The following IMMP2L variants were observed in gnomAD, a reference collection of about 807,000 sequenced individuals.
IMMP2L encodes inner mitochondrial membrane peptidase subunit 2.
In IMMP2L, 18 loss-of-function variants were observed where a neutral mutation model predicts 19.3. That is an observed-to-expected ratio of 0.93 (90% CI 0.64 to 1.38). IMMP2L has a LOEUF of 1.38. IMMP2L is among the 40% of genes most tolerant of loss of function. IMMP2L has a pLI of 0.00. For missense variants in IMMP2L, 233 were observed against 218.2 expected, an observed-to-expected ratio of 1.07 and a Z score of -0.43; for synonymous variants, 76 against 73.0, an observed-to-expected ratio of 1.04 and a Z score of -0.21.
chr7:110,895,182 A>G (rs964867360), intron 4 of IMMP2L, among the ~76,000 whole-genome samples: 1 of 152,130 alleles, frequency 6.6e-6, no homozygotes, highest in Non-Finnish European at 1.5e-5. Flanking sequence ...ACTTTTTAAA[A>G]CCATCAGATC....
At chr7:111,514,537 T>A (rs1320092365) in intron 2 of IMMP2L, among the ~76,000 whole-genome samples, 1 of 152,128 alleles carries the variant, frequency 6.6e-6, no homozygotes, top group Non-Finnish European at 1.5e-5. Flanking sequence ...ATATATATCA[T>A]GTATACTTTA....
At chr7:111,049,411 G>A (rs559705066) in intron 3 of IMMP2L, among the ~76,000 whole-genome samples, 1 of 152,122 alleles carries the variant, frequency 6.6e-6, no homozygotes, top group African/African-American at 2.4e-5. Context: ...GATTACAGGC[G>A]TGAGCCACCG....
At chr7:111,040,191 A>T (rs1791759998) in intron 3 of IMMP2L, among the ~76,000 whole-genome samples, 1 of 152,198 alleles carries the variant, frequency 6.6e-6, no homozygotes, top group African/African-American at 2.4e-5. Flanking sequence ...TCTGGTCACT[A>T]CACTACATAA....
chr7:111,551,108 C>G (rs939722306), intron 1 of IMMP2L, among the ~76,000 whole-genome samples: 2 of 152,172 alleles, frequency 1.3e-5, no homozygotes, highest in Non-Finnish European at 2.9e-5. Flanking sequence ...TTGCTGTATA[C>G]AATTCCGTAA....
intron 3 of IMMP2L, among the ~76,000 whole-genome samples, chr7:111,405,721 T>C (rs962314151): frequency 6.6e-6 from 1 of 152,098 alleles, no homozygotes; most frequent in African/African-American, 2.4e-5. Context: ...CCTCTAAGTG[T>C]TGGACTACCC....
In IMMP2L at chr7:111,143,980, A is replaced by G. The variant is rs749081565; in HGVS notation, c.240-180415T>C. On this transcript the variant is annotated intron_variant, in intron 3 of 5. Coordinates refer to ENST00000405709, the MANE Select transcript of IMMP2L (RefSeq NM_032549.4). ...TACCCTGTTTGGAAAACTTTAAAAA[A>G]TTATTATTTCCATCTCAGTGTCACA... Among the ~76,000 whole-genome samples, 22 of 152,124 alleles carry G rather than the reference A, an allele frequency of 1.4e-4. 1 individual carries two copies. Among genetic ancestry groups the G allele is most frequent in the Non-Finnish European group, 1.6e-4 (11 of 68,010 alleles).
At chr7:110,683,214 C>T (rs539310812) in intron 5 of IMMP2L, among the ~76,000 whole-genome samples, 2 of 152,130 alleles carry the variant, frequency 1.3e-5, no homozygotes, top group East Asian at 1.9e-4. Context: ...TGTTTATATG[C>T]ATATGACTCA....
chr7:111,450,589 C>T (rs1164096692), intron 3 of IMMP2L, among the ~76,000 whole-genome samples: 1 of 148,408 alleles, frequency 6.7e-6, no homozygotes, highest in Non-Finnish European at 1.5e-5. Flanking sequence ...AACGTTAGAC[C>T]TAAAACCATA....
In IMMP2L at chr7:111,318,755, T is replaced by A. The variant is rs148040613; in HGVS notation, c.239+168483A>T. ...GAAAAATTTCTATTACTTAATAGAT[T>A]CTTTTAAAAATATTTTAGATACTAA... On this transcript the variant is annotated intron_variant, in intron 3 of 5. Coordinates refer to ENST00000405709, the MANE Select transcript of IMMP2L (RefSeq NM_032549.4). Among the ~76,000 whole-genome samples the A allele has an allele frequency of 5.3e-5, 8 of 152,240 alleles. No homozygotes were observed. The East Asian group carries it at 1.2e-3, about 22-fold the overall frequency.
intron 3 of IMMP2L, among the ~76,000 whole-genome samples, chr7:111,462,948 G>A (rs1840271612): frequency 6.6e-6 from 1 of 152,090 alleles, no homozygotes; most frequent in Non-Finnish European, 1.5e-5. Context: ...TTATTCTGCA[G>A]GGTTGCCATA....
At chr7:110,670,487 C>T (rs1403556169) in intron 5 of IMMP2L, among the ~76,000 whole-genome samples, 6 of 151,984 alleles carry the variant, frequency 3.9e-5, no homozygotes, top group African/African-American at 1.2e-4. Flanking sequence ...GTCAGGAGTT[C>T]GAGACCAGCC....
chr7:110,966,158 C>A (rs1024732141), intron 3 of IMMP2L, among the ~76,000 whole-genome samples: 11 of 151,830 alleles, frequency 7.2e-5, no homozygotes, highest in Non-Finnish European at 1.2e-4. Context: ...GGATTGAAAC[C>A]GTATGTTAGA....
chr7:111,138,478 T>C (rs1365162458), intron 3 of IMMP2L, among the ~76,000 whole-genome samples: 2 of 152,228 alleles, frequency 1.3e-5, no homozygotes, highest in Non-Finnish European at 2.9e-5. Context: ...TCTTTAGTTG[T>C]GGTAGCTACT....
At chr7:111,330,084 T>A (rs1348183777) in intron 3 of IMMP2L, among the ~76,000 whole-genome samples, 2 of 151,124 alleles carry the variant, frequency 1.3e-5, no homozygotes, top group Non-Finnish European at 1.5e-5. Flanking sequence ...GAAATAAGAA[T>A]TAAAAACTAA....
chr7:111,386,109 C>G (rs1831728189), intron 3 of IMMP2L, among the ~76,000 whole-genome samples: 1 of 151,756 alleles, frequency 6.6e-6, no homozygotes, highest in Non-Finnish European at 1.5e-5. Context: ...AACTCCTGGC[C>G]TCAGACAAAC....
chr7:111,318,218 T>C (rs192640416), intron 3 of IMMP2L, among the ~76,000 whole-genome samples: 1 of 152,252 alleles, frequency 6.6e-6, no homozygotes, highest in Admixed American at 6.6e-5. Context: ...AATATCAGTG[T>C]AAATGAAAGG....
chr7:111,183,151 C>G (rs909233993), intron 3 of IMMP2L, among the ~76,000 whole-genome samples: 5 of 151,954 alleles, frequency 3.3e-5, no homozygotes, highest in Non-Finnish European at 5.9e-5. Context: ...CCCCATGATG[C>G]CTGCAAACTG....
chr7:111,165,255 C>G (rs1302442524), intron 3 of IMMP2L, among the ~76,000 whole-genome samples: 2 of 152,030 alleles, frequency 1.3e-5, no homozygotes, highest in African/African-American at 2.4e-5. Flanking sequence ...TCCGAACTTT[C>G]TTCTTTTTTA....
chr7:110,666,820 A>G (rs1214554165), intron 5 of IMMP2L, among the ~76,000 whole-genome samples: 1 of 152,178 alleles, frequency 6.6e-6, no homozygotes, highest in Non-Finnish European at 1.5e-5. Context: ...CTACACTACA[A>G]CCATTACCAA....
Sources: gnomAD v4.1 joint callset for allele counts (sites outside exome capture counted in the v4.1 genomes callset) on GRCh38, gnomAD v4.1.1 for gene constraint, MANE v1.5 for transcripts, NCBI Gene and HGNC (gene_info 2026-07-23, HGNC 2026-07-21) for gene names.